Variants in ADAM29 observed in about 807,000 individuals in gnomAD.
The protein encoded by ADAM29 is disintegrin and metalloproteinase domain-containing protein 29.
For synonymous variants in ADAM29, 367 were observed against 342.3 expected, an observed-to-expected ratio of 1.07 and a Z score of -0.80; for missense variants, 969 against 1,001.8, an observed-to-expected ratio of 0.97 and a Z score of 0.44.
chr4:174,977,472 C>T lies in ADAM29; in HGVS notation c.1947C>T (p.Asp649=), dbSNP rs751802258. Residue 649 remains aspartate (D), a synonymous_variant, in exon 5 of 5, where the codon GAC becomes GAT. Transcript: ENST00000359240. ...KHHCHCNYLW[D]PPNCLIKGYG... The stretch of plus-strand genomic sequence containing the variant: ...ACTGCCATTGCAATTATCTGTGGGA[C>T]CCTCCCAACTGCCTGATAAAAGGCT... 1.7e-5 allele frequency: 28 copies of T among 1,613,968 alleles called. No individual in the cohort carries two copies. Among genetic ancestry groups the T allele is most frequent in the Middle Eastern group, 3.3e-4 (2 of 6,060 alleles).
intron 4 of ADAM29, among the ~76,000 whole-genome samples, chr4:174,940,821 A>C (rs1040457949): frequency 6.6e-6 from 1 of 152,200 alleles, no homozygotes; most frequent in Non-Finnish European, 1.5e-5. Context: ...ATAAAAAAAG[A>C]CAAATCTATT....
intron 4 of ADAM29, among the ~76,000 whole-genome samples, chr4:174,953,281 G>C (rs981383633): frequency 1.3e-5 from 2 of 151,652 alleles, no homozygotes; most frequent in Non-Finnish European, 2.9e-5. Flanking sequence ...GCAAGACTCT[G>C]TCTAAAAACA....
intron 2 of ADAM29, among the ~76,000 whole-genome samples, chr4:174,928,395 A>G (rs536769157): frequency 1.3e-5 from 2 of 151,596 alleles, no homozygotes; most frequent in Non-Finnish European, 2.9e-5. Context: ...GCATCCTGTA[A>G]CTGACTGGTT....
intron 2 of ADAM29, among the ~76,000 whole-genome samples, chr4:174,924,350 T>C (rs1297188847): frequency 6.6e-6 from 1 of 152,234 alleles, no homozygotes; most frequent in Non-Finnish European, 1.5e-5. Flanking sequence ...GTGGTAAGGA[T>C]GCAGTGCAAC....
chr4:174,939,916 C>A (rs894353667), intron 4 of ADAM29, among the ~76,000 whole-genome samples: 2 of 151,922 alleles, frequency 1.3e-5, no homozygotes, highest in Non-Finnish European at 2.9e-5. Flanking sequence ...ACAAACTTTC[C>A]TTTTTCTCCC....
rs1297317195 is a variant in ADAM29, at chr4:174,975,803, A to G, written c.278A>G (p.Gln93Arg). The G allele has an allele frequency of 2.5e-6, 4 of 1,614,168 alleles. No homozygotes were observed. The highest frequency in any genetic ancestry group is 1.7e-5 in the Admixed American group (1 of 60,014). ...GACCAGGGTGCTATCCTTGAGGACC[A>G]GCCATTTGTCCAGAATAACTGCTAC... ...YTDQGAILED[Q>R]PFVQNNCYYH... The change falls in exon 5 of 5, where the codon CAG (glutamine) becomes CGG (arginine). Residue 93 changes from glutamine to arginine, a missense_variant. Gln to Arg is a conservative substitution (Grantham distance 43). Transcript: ENST00000359240.
rs1253896528 is a variant in ADAM29, at chr4:174,975,686, A to G, written c.161A>G (p.Tyr54Cys). The change falls in exon 5 of 5, where the codon TAT (tyrosine) becomes TGT (cysteine). Residue 54 changes from tyrosine (Y) to cysteine (C), a missense_variant. Coordinates refer to ENST00000359240, the MANE Select transcript of ADAM29 (RefSeq NM_014269.4). The stretch of plus-strand genomic sequence containing the variant: ...ATGACACCTCCAGGCTGGCTCTCCT[A>G]TATCCTGCCCTTTGGAGGCCAGAAA... ...RGMTPPGWLS[Y>C]ILPFGGQKHI... is the part of the protein sequence containing the mutation. 3 of 1,612,688 alleles carry G rather than the reference A, an allele frequency of 1.9e-6. No homozygotes were observed. The highest frequency in any genetic ancestry group is 1.3e-5 in the African/African-American group (1 of 74,998).
At chr4:174,927,698 T>C (rs1743598616) in intron 2 of ADAM29, among the ~76,000 whole-genome samples, 1 of 152,182 alleles carries the variant, frequency 6.6e-6, no homozygotes, top group Non-Finnish European at 1.5e-5. Context: ...TATTTTATAA[T>C]ATATTTATAG....
chr4:174,936,973 C>T lies in ADAM29; in HGVS notation c.-221C>T, dbSNP rs1744239645. 1 of 151,900 alleles carries T rather than the reference C, an allele frequency of 6.6e-6. No homozygotes were observed. The highest frequency in any genetic ancestry group is 6.6e-5 in the Admixed American group (1 of 15,246). The allele number at this position is 151,900 out of a possible 1,614,324, so 9.4% of individuals were successfully genotyped here. A position where few individuals can be genotyped will look rare whatever the true frequency, so the allele number is the denominator to read the frequency against. ...TGAACAACAGGAGCAAGAATCAATG[C>T]CAGATTCTCTTCTCTAAAAATAATC... On this transcript the variant is annotated 5_prime_UTR_variant, in exon 4 of 5. Coordinates refer to ENST00000359240, the MANE Select transcript of ADAM29 (RefSeq NM_014269.4).
intron 4 of ADAM29, among the ~76,000 whole-genome samples, chr4:174,948,436 T>C (rs988642928): frequency 1.3e-5 from 2 of 152,122 alleles, no homozygotes; most frequent in East Asian, 3.9e-4. Context: ...AGTCCAAAGC[T>C]CAGCTCGGCA....
Position 174,975,971 on chromosome 4 carries a change from T to C in ADAM29, c.446T>C (p.Val149Ala), listed in dbSNP as rs758271651. 6 of 1,613,998 alleles carry C rather than the reference T, an allele frequency of 3.7e-6. No homozygotes were observed. The highest frequency in any genetic ancestry group is 1.3e-5 in the African/African-American group (1 of 74,920). The change falls in exon 5 of 5, where the codon GTA (valine) becomes GCA (alanine). Residue 149 changes from valine to alanine, a missense_variant. Transcript: ENST00000359240. ...LAFSTTFEHL[V>A]YKMDSEEKQF... is the part of the protein sequence containing the mutation. The stretch of plus-strand genomic sequence containing the variant: ...TTTTCTACCACGTTTGAACATCTGG[T>C]ATACAAGATGGACAGTGAGGAGAAA...
intron 2 of ADAM29, among the ~76,000 whole-genome samples, chr4:174,923,617 T>G (rs912374289): frequency 1.3e-5 from 2 of 149,784 alleles, no homozygotes; most frequent in Non-Finnish European, 3.0e-5. Flanking sequence ...CTTCCTTTCA[T>G]TAATCAGATA....
intron 3 of ADAM29, among the ~76,000 whole-genome samples, chr4:174,935,128 G>A (rs1392038146): frequency 1.3e-5 from 2 of 152,084 alleles, no homozygotes; most frequent in African/African-American, 4.8e-5. Flanking sequence ...AAATACCCTA[G>A]TTTTACAATT....
intron 4 of ADAM29, among the ~76,000 whole-genome samples, chr4:174,970,752 G>A (rs1746426594): frequency 6.6e-6 from 1 of 152,054 alleles, no homozygotes; most frequent in Admixed American, 6.6e-5. Flanking sequence ...CTATATTGTT[G>A]CCAAAACATT....
At chr4:174,967,382 G>C (rs1002407384) in intron 4 of ADAM29, among the ~76,000 whole-genome samples, 1 of 151,942 alleles carries the variant, frequency 6.6e-6, no homozygotes. Flanking sequence ...TTTGGTACTT[G>C]GAGTTTCTAA....
intron 4 of ADAM29, among the ~76,000 whole-genome samples, chr4:174,961,282 TTATGA>T (rs1745805157): frequency 6.6e-6 from 1 of 151,486 alleles, no homozygotes; most frequent in Admixed American, 6.6e-5. Flanking sequence ...TTATTTGATA[TTATGA>T]TATATTTATC....
intron 4 of ADAM29, among the ~76,000 whole-genome samples, chr4:174,949,144 G>A (rs1264488135): frequency 1.3e-5 from 2 of 152,140 alleles, no homozygotes; most frequent in African/African-American, 4.8e-5. Context: ...GCAAGTGGAT[G>A]TGGTCAGGCT....
chr4:174,928,325 C>T lies in ADAM29; in HGVS notation c.-450-2661C>T, dbSNP rs1232140538. 2.6e-5 allele frequency among the ~76,000 whole-genome samples: 4 copies of T among 151,922 alleles called. No homozygotes were observed. The East Asian group carries it at 7.8e-4, about 29-fold the overall frequency. On this transcript the variant is annotated intron_variant, in intron 2 of 4. Transcript: ENST00000359240. ...TGAGATGGGTGTGCAGGTGTCTTGA[C>T]CGCATCCTGGAGATGTTTTTTGCCA...
At chr4:174,959,457 C>CTGTGTGTG (rs34184384) in intron 4 of ADAM29, among the ~76,000 whole-genome samples, 8 of 145,612 alleles carry the variant, frequency 5.5e-5, no homozygotes, top group Non-Finnish European at 9.1e-5. Context: ...ATGAGAAAGA[C>CTGTGTGTG]TGTGTGTGTG....
Sources: gnomAD v4.1 joint callset for allele counts (sites outside exome capture counted in the v4.1 genomes callset) on GRCh38, gnomAD v4.1.1 for gene constraint, MANE v1.5 for transcripts, NCBI Gene and HGNC (gene_info 2026-07-23, HGNC 2026-07-21) for gene names.